PRKN: variants seen among roughly 807,000 people sequenced by gnomAD.
PRKN encodes the protein parkin RBR E3 ubiquitin protein ligase.
PRKN carries 56 observed loss-of-function variants against 59.5 expected under a neutral mutation model. That is an observed-to-expected ratio of 0.94 (90% confidence interval 0.76 to 1.18). The LOEUF (loss-of-function observed/expected upper bound fraction) is 1.18, where lower values mean the gene tolerates loss of function less well. Ranked by LOEUF, PRKN falls within the 50% of genes most tolerant of loss-of-function variation. The probability of loss-of-function intolerance (pLI) is 0.00; values close to 1 mark genes in which losing one functional copy is unlikely to be tolerated. For missense variants in PRKN, 657 were observed against 596.4 expected (o/e 1.10, Z -1.06); for synonymous variants, 250 against 222.1 (o/e 1.13, Z -1.12).
chr6:161,829,849 C>CAAA (rs11457054), intron 6 of PRKN, among the ~76,000 whole-genome samples: 95 of 86,430 alleles, frequency 1.1e-3, no homozygotes, highest in African/African-American at 3.1e-3. Context: ...CACTAAATGC[C>CAAA]AAAAAAAAAA....
intron 1 of PRKN, among the ~76,000 whole-genome samples, chr6:162,689,823 G>C (rs115902159): frequency 2.0e-5 from 3 of 152,176 alleles, no homozygotes; most frequent in Non-Finnish European, 1.5e-5. Flanking sequence ...ACAGTAGAGC[G>C]AGGCAGAGTC....
chr6:162,360,114 C>T (rs551149114), intron 2 of PRKN, among the ~76,000 whole-genome samples: 13 of 150,918 alleles, frequency 8.6e-5, no homozygotes, highest in Admixed American at 3.3e-4. Context: ...GGTGTGGGTG[C>T]GGGTGTGGGT....
intron 2 of PRKN, among the ~76,000 whole-genome samples, chr6:162,411,818 C>T (rs1043508139): frequency 6.6e-6 from 1 of 152,098 alleles, no homozygotes; most frequent in African/African-American, 2.4e-5. Context: ...CCTCCTCAGG[C>T]TCACATCCCC....
chr6:162,711,181 C>A (rs779504546), intron 1 of PRKN, among the ~76,000 whole-genome samples: 1 of 152,182 alleles, frequency 6.6e-6, no homozygotes, highest in African/African-American at 2.4e-5. Flanking sequence ...AGACAATGCT[C>A]CTAAAGACCA....
rs1377414039 is a variant in PRKN, at chr6:161,547,064, G to A, written c.1083+1790C>T. Among the ~76,000 whole-genome samples, 6 of 152,074 alleles carry A rather than the reference G, an allele frequency of 3.9e-5. No individual in the cohort carries two copies. Among genetic ancestry groups the A allele is most frequent in the Non-Finnish European group, 7.4e-5 (5 of 68,018 alleles). On this transcript the variant is annotated intron_variant, in intron 9 of 11. Coordinates refer to ENST00000366898, the MANE Select transcript of PRKN (RefSeq NM_004562.3). This position sits in a 1 kb window ranked among gnomAD's most constrained non-coding sequence, Gnocchi z 4.0. Reference sequence around the variant, plus strand: ...AGAACTACCCAGCAAAGCCACTCACGGGTGATTCCTGACTCTCAGAAACTG... The same window carrying A: ...AGAACTACCCAGCAAAGCCACTCACAGGTGATTCCTGACTCTCAGAAACTG...
intron 7 of PRKN, among the ~76,000 whole-genome samples, chr6:161,760,074 T>TAA (rs35172919): frequency 6.9e-4 from 101 of 146,838 alleles, no homozygotes; most frequent in East Asian, 1.4e-3. Context: ...AGCTCGTTCT[T>TAA]AAAAAAAAAA....
At chr6:162,380,632 CT>C (rs779527738) in intron 2 of PRKN, among the ~76,000 whole-genome samples, 16 of 150,698 alleles carry the variant, frequency 1.1e-4, no homozygotes, top group Admixed American at 3.3e-4. Flanking sequence ...GGAGTTGTGG[CT>C]TTGGAGTTAA....
In PRKN at chr6:162,285,317, T is replaced by C. The variant is rs183743714; in HGVS notation, c.172-22552A>G. ...CCGAGAGGGCCTCTGGCATATACTC[T>C]TGACATAACATCTGGGCACCATGGG... is the stretch of plus-strand genomic sequence containing the variant. On this transcript the variant is annotated intron_variant, in intron 2 of 11. Coordinates refer to ENST00000366898, the MANE Select transcript of PRKN (RefSeq NM_004562.3). Among the ~76,000 whole-genome samples, 781 of 147,482 alleles carry C rather than the reference T, an allele frequency of 5.3e-3. 19 individuals carry two copies. Among genetic ancestry groups the C allele is most frequent in the Middle Eastern group, 3.6e-3 (1 of 278 alleles).
At chr6:161,680,744 TATATATATATATATATATATATA>T (rs1785293742) in intron 7 of PRKN, among the ~76,000 whole-genome samples, 2 of 8,256 alleles carry the variant, frequency 2.4e-4, no homozygotes, top group Admixed American at 1.7e-3. Flanking sequence ...TATATATATA[TATATATATATATATATATATATA>T]TATATATATT....
At position 161,480,048 on chromosome 6, in the gene PRKN, T is replaced by C. The variant is rs1449679928; in HGVS notation, c.1083+68806A>G. ...ATGGAAGCCCAGGTGAAGGTGAGCC[T>C]CTGTCAGCCTCGGCCTTGATGAGGA... On this transcript the variant is annotated intron_variant, in intron 9 of 11. Transcript: ENST00000366898. This position sits in a 1 kb window ranked among gnomAD's most constrained non-coding sequence, Gnocchi z 4.1. Among the ~76,000 whole-genome samples the C allele has an allele frequency of 6.6e-6, 1 of 152,174 alleles. No individual in the cohort carries two copies. The highest frequency in any genetic ancestry group is 2.4e-5 in the African/African-American group (1 of 41,442).
chr6:162,516,636 AGCTACTCAGGAG>A (rs1226141487), intron 1 of PRKN, among the ~76,000 whole-genome samples: 1 of 151,868 alleles, frequency 6.6e-6, no homozygotes, highest in Admixed American at 6.6e-5. Context: ...CTATAATCCC[AGCTACTCAGGAG>A]GCTACTCAGG....
At position 161,352,755 on chromosome 6, in the gene PRKN, G is replaced by A. The variant is rs9456662; in HGVS notation, c.1286-2544C>T. Among the ~76,000 whole-genome samples, 426 of 134,348 alleles carry A rather than the reference G, an allele frequency of 3.2e-3. 1 individual carries two copies. Among genetic ancestry groups the A allele is most frequent in the Middle Eastern group, 7.8e-3 (2 of 256 alleles). The allele number at this position is 134,348 out of a possible 152,430, so 88.1% of individuals were successfully genotyped here. ...TGTGTGTGTGTGTGTGTGTGTGTGT[G>A]TATATATATATATATATTTTATTTT... On this transcript the variant is annotated intron_variant, in intron 11 of 11. Coordinates refer to ENST00000366898, the MANE Select transcript of PRKN (RefSeq NM_004562.3). The surrounding 1 kb of genome is among the most constrained non-coding windows in gnomAD (Gnocchi z 5.8).
At chr6:161,861,734 T>C (rs1054334642) in intron 6 of PRKN, among the ~76,000 whole-genome samples, 1 of 152,120 alleles carries the variant, frequency 6.6e-6, no homozygotes, top group Non-Finnish European at 1.5e-5. Context: ...ATCTGTTTTT[T>C]CCATTCAACT....
intron 1 of PRKN, among the ~76,000 whole-genome samples, chr6:162,524,558 C>G (rs6921203): frequency 0.09 from 13,624 of 152,156 alleles, 661 homozygotes; most frequent in South Asian, 0.17. Context: ...TGTATTCATC[C>G]ATAATTCTCT....
At chr6:162,428,708 CAT>C (rs1355545373) in intron 2 of PRKN, among the ~76,000 whole-genome samples, 3 of 152,188 alleles carry the variant, frequency 2.0e-5, no homozygotes, top group African/African-American at 7.2e-5. Context: ...CACAAAGCTA[CAT>C]GTGTCCCTCC....
chr6:162,021,109 AAAAC>A (rs1783133883), intron 5 of PRKN, among the ~76,000 whole-genome samples: 1 of 94,504 alleles, frequency 1.1e-5, no homozygotes, highest in African/African-American at 4.1e-5. Flanking sequence ...TCTCAAAAAA[AAAAC>A]AAAAACATAT....
chr6:162,344,345 A>AT (rs1784309879), intron 2 of PRKN, among the ~76,000 whole-genome samples: 1 of 152,034 alleles, frequency 6.6e-6, no homozygotes, highest in Non-Finnish European at 1.5e-5. Context: ...TTATAAGTCA[A>AT]TTTTCACTTA....
intron 1 of PRKN, among the ~76,000 whole-genome samples, chr6:162,508,665 C>A (rs1477973984): frequency 6.6e-6 from 1 of 152,152 alleles, no homozygotes; most frequent in Non-Finnish European, 1.5e-5. Flanking sequence ...TAGGGGCTCT[C>A]TTTAAGGCCT....
chr6:161,858,628 C>A (rs1224060096), intron 6 of PRKN, among the ~76,000 whole-genome samples: 1 of 150,794 alleles, frequency 6.6e-6, no homozygotes, highest in Non-Finnish European at 1.5e-5. Flanking sequence ...CGGGAACTTT[C>A]TGTTCCAGAG....
Sources: gnomAD v4.1 joint callset for allele counts (sites outside exome capture counted in the v4.1 genomes callset) on GRCh38, gnomAD v4.1.1 for gene constraint, Gnocchi (gnomAD v3.1) non-coding constraint, MANE v1.5 for transcripts, NCBI Gene and HGNC (gene_info 2026-07-23, HGNC 2026-07-21) for gene names.